XKR3: variants seen among roughly 807,000 people sequenced by gnomAD.
XKR3 encodes the protein XK-related protein 3.
XKR3 carries 27 observed loss-of-function variants against 40.3 expected under a neutral mutation model. That is an observed-to-expected ratio of 0.67 (90% CI 0.49 to 0.92). XKR3 has a LOEUF of 0.92. XKR3 is among the 40% of genes least tolerant of loss of function. The probability of loss-of-function intolerance (pLI) is 0.00; values close to 1 mark genes in which losing one functional copy is unlikely to be tolerated. For synonymous variants in XKR3, 193 were observed against 195.4 expected, an observed-to-expected ratio of 0.99 and a Z score of 0.10; for missense variants, 472 against 537.6, an observed-to-expected ratio of 0.88 and a Z score of 1.21.
At chr22:16,812,708 G>A (rs2060217610) in intron 1 of XKR3, among the ~76,000 whole-genome samples, 1 of 151,928 alleles carries the variant, frequency 6.6e-6, no homozygotes. Flanking sequence ...GTACACACTC[G>A]GTGATTTTCA....
At chr22:16,795,016 A>G (rs2060134640) in intron 3 of XKR3, among the ~76,000 whole-genome samples, 1 of 152,202 alleles carries the variant, frequency 6.6e-6, no homozygotes, top group African/African-American at 2.4e-5. Context: ...CTAAAAAAGA[A>G]ACTCTGGACT....
At position 16,799,982 on chromosome 22, in the gene XKR3, A is replaced by G; in HGVS notation, c.378T>C (p.Asn126=). ...TIRNYHKWLK[N]LKQEKEETQV... ...GAGTCTCTTCCTTCTCCTGTTTAAG[A>G]TTTTTCAACCATTTGTGGTAATTTC... The change falls in exon 3 of 4, where the codon AAT becomes AAC. Residue 126 remains asparagine (N), a synonymous_variant. Transcript: ENST00000684488. 2 of 1,614,056 alleles carry G rather than the reference A, an allele frequency of 1.2e-6. No individual in the cohort carries two copies. The highest frequency in any genetic ancestry group is 1.3e-5 in the African/African-American group (1 of 75,030).
At chr22:16,804,903 A>T (rs1459093053) in intron 2 of XKR3, among the ~76,000 whole-genome samples, 1 of 152,216 alleles carries the variant, frequency 6.6e-6, no homozygotes, top group Non-Finnish European at 1.5e-5. Context: ...CTTCCTGGGA[A>T]CAGTATCATA....
At chr22:16,813,521 A>C (rs2060221557) in intron 1 of XKR3, among the ~76,000 whole-genome samples, 1 of 152,094 alleles carries the variant, frequency 6.6e-6, no homozygotes, top group African/African-American at 2.4e-5. Flanking sequence ...TGGTGGTTTT[A>C]TTATAGAATA....
Position 16,799,900 on chromosome 22 carries a change from G to T in XKR3, c.460C>A (p.Arg154=), listed in dbSNP as rs775657898. 35 of 1,613,822 alleles carry T rather than the reference G, an allele frequency of 2.2e-5. No homozygotes were observed. The highest frequency in any genetic ancestry group is 2.7e-5 in the Non-Finnish European group (32 of 1,179,968). ...GCCTTCTGCTGCATGAAATTATCCCGGATTGAGAATGCAATCTCCCTTTCC... is the reference window on the plus strand; with the variant it reads ...GCCTTCTGCTGCATGAAATTATCCCTGATTGAGAATGCAATCTCCCTTTCC... ...MLEREIAFSI[R]DNFMQQKAFK... Residue 154 remains arginine (R), a synonymous_variant, in exon 3 of 4, where the codon CGG becomes AGG. Transcript: ENST00000684488.
At position 16,808,068 on chromosome 22, in the gene XKR3, C is replaced by T; in HGVS notation, c.6G>A (p.Glu2=). Residue 2 remains glutamate (E), a synonymous_variant, in exon 2 of 4, where the codon GAG becomes GAA. Transcript: ENST00000684488. M[E]TVFEEMDEES... ...CTTCATCCATCTCTTCAAACACTGT[C>T]TCCATTCTCAGGGTGCTGCTAATTC... 1 of 1,596,238 alleles carries T rather than the reference C, an allele frequency of 6.3e-7. No homozygotes were observed. Among genetic ancestry groups the T allele is most frequent in the Non-Finnish European group, 8.5e-7 (1 of 1,171,988 alleles).
rs142425083 is a variant in XKR3 at position 16,807,899 on chromosome 22, G to C, written c.175C>G (p.Arg59Gly). The C allele has an allele frequency of 2.7e-5, 43 of 1,613,866 alleles. No homozygotes were observed. Among genetic ancestry groups the C allele is most frequent in the Middle Eastern group, 1.6e-4 (1 of 6,080 alleles). Residue 59 changes from arginine to glycine, a missense_variant, in exon 2 of 4, where the codon CGA becomes GGA. Arg to Gly is a moderately radical substitution (Grantham distance 125). Coordinates refer to ENST00000684488, the MANE Select transcript of XKR3 (RefSeq NM_001386955.1). ...ATCCAGAATGTGTCATTAGCTTTTCGATAAATTTCAAACATGTATAAACCA... is the reference window on the plus strand; with the variant it reads ...ATCCAGAATGTGTCATTAGCTTTTCCATAAATTTCAAACATGTATAAACCA... ...AFGLYMFEIY[R>G]KANDTFWMSF... is the part of the protein sequence containing the mutation.
chr22:16,812,404 C>G (rs1055029482), intron 1 of XKR3, among the ~76,000 whole-genome samples: 2 of 152,100 alleles, frequency 1.3e-5, no homozygotes, highest in East Asian at 1.9e-4. Flanking sequence ...TTGCTGGGCG[C>G]GGTGGCTCAC....
At chr22:16,811,852 C>CA (rs1189755274) in intron 1 of XKR3, among the ~76,000 whole-genome samples, 2 of 151,734 alleles carry the variant, frequency 1.3e-5, no homozygotes, top group Non-Finnish European at 2.9e-5. Flanking sequence ...ACTAAAAATA[C>CA]AAAAAAATTA....
At chr22:16,785,369 G>A (rs1385823610) in intron 3 of XKR3, among the ~76,000 whole-genome samples, 3 of 151,954 alleles carry the variant, frequency 2.0e-5, no homozygotes, top group African/African-American at 7.3e-5. Context: ...GTGATTGTAT[G>A]TATCCATGCA....
intron 3 of XKR3, among the ~76,000 whole-genome samples, chr22:16,795,962 G>C (rs1207435187): frequency 2.8e-5 from 4 of 144,878 alleles, no homozygotes; most frequent in South Asian, 4.5e-4. Context: ...AAAAAACTCA[G>C]TCTCAAAAAA....
chr22:16,800,175 T>C (rs2060162736), intron 2 of XKR3, 151 bp from the exon 3 acceptor site: 2 of 858,464 alleles, frequency 2.3e-6, no homozygotes, highest in Non-Finnish European at 3.5e-6. Context: ...AAAAAATAAG[T>C]TTCTAACAGT....
intron 2 of XKR3, among the ~76,000 whole-genome samples, chr22:16,807,313 C>A (rs931918680): frequency 4.3e-4 from 65 of 152,240 alleles, no homozygotes; most frequent in African/African-American, 1.5e-3. Flanking sequence ...GGAAAATTAC[C>A]ACTAAAAAGT....
At chr22:16,824,456 C>T (rs1317091568) in intron 1 of XKR3, among the ~76,000 whole-genome samples, 1 of 150,642 alleles carries the variant, frequency 6.6e-6, no homozygotes, top group Admixed American at 6.6e-5. Context: ...CTACCAGATA[C>T]CCACAAAAAG....
At chr22:16,813,249 A>C (rs1180469337) in intron 1 of XKR3, among the ~76,000 whole-genome samples, 8 of 152,028 alleles carry the variant, frequency 5.3e-5, no homozygotes, top group South Asian at 2.1e-4. Flanking sequence ...GCACCACTGC[A>C]CTCCAGCCTG....
chr22:16,784,986 C>T (rs1229171691), intron 3 of XKR3, among the ~76,000 whole-genome samples: 3 of 152,070 alleles, frequency 2.0e-5, no homozygotes, highest in African/African-American at 7.2e-5. Context: ...ATACAAGGTA[C>T]TAGAGAAGCA....
intron 2 of XKR3, among the ~76,000 whole-genome samples, chr22:16,800,510 T>C (rs1407200415): frequency 2.0e-5 from 3 of 152,204 alleles, no homozygotes; most frequent in East Asian, 1.9e-4. Flanking sequence ...CAGATTTTCA[T>C]TGGAACATAT....
intron 3 of XKR3, among the ~76,000 whole-genome samples, chr22:16,795,651 T>C (rs1191989447): frequency 1.3e-5 from 2 of 151,772 alleles, no homozygotes; most frequent in Non-Finnish European, 2.9e-5. Flanking sequence ...AAATGGATAG[T>C]GTGCTACCTA....
chr22:16,791,096 C>T (rs1354679061), intron 3 of XKR3, among the ~76,000 whole-genome samples: 1 of 152,108 alleles, frequency 6.6e-6, no homozygotes, highest in Non-Finnish European at 1.5e-5. Flanking sequence ...GATATATACA[C>T]TCTCATGTTT....
Sources: allele counts gnomAD v4.1 joint callset (sites outside exome capture counted in the v4.1 genomes callset), GRCh38; gene constraint gnomAD v4.1.1; transcripts MANE v1.5; gene names NCBI Gene and HGNC (gene_info 2026-07-23, HGNC 2026-07-21).